SBF2: variants seen among roughly 807,000 people sequenced by gnomAD.
SBF2 encodes the protein myotubularin-related protein 13.
A neutral mutation model predicts 225.2 loss-of-function variants in SBF2; 112 were observed. The observed-to-expected ratio is 0.50, with a 90% CI of 0.43 to 0.58. SBF2 has a LOEUF of 0.58. Ranked by LOEUF, SBF2 falls within the 20% of genes least tolerant of loss-of-function variation. The pLI is 0.00. For missense variants in SBF2, 1,996 were observed against 2,206.2 expected (o/e 0.90, Z 1.91); for synonymous variants, 763 against 773.3 (o/e 0.99, Z 0.22).
intron 2 of SBF2, among the ~76,000 whole-genome samples, chr11:10,168,480 A>G (rs937015525): frequency 3.9e-5 from 6 of 152,190 alleles, no homozygotes; most frequent in African/African-American, 1.4e-4. Flanking sequence ...TATCAGCATC[A>G]CATGGTCATT....
At position 10,294,039 on chromosome 11, in the gene SBF2, C is replaced by T; in HGVS notation, c.31G>A (p.Val11Ile). Residue 11 changes from valine to isoleucine, a missense_variant, in exon 1 of 40, where the codon GTA (valine) becomes ATA (isoleucine). Physicochemically the swap from Val to Ile is conservative, Grantham distance 29. Transcript: ENST00000256190. ...CCTGGCTTCTCGTGGTCATAGCCTACCACGATGAAGTAGTCAGCCAGCCGG... is the reference window on the plus strand; with the variant it reads ...CCTGGCTTCTCGTGGTCATAGCCTATCACGATGAAGTAGTCAGCCAGCCGG... The part of the protein sequence containing the change: MARLADYFIV[V>I]GYDHEKPGSG... The T allele has an allele frequency of 7.1e-7, 1 of 1,404,272 alleles. No homozygotes were observed. Among genetic ancestry groups the T allele is most frequent in the Non-Finnish European group, 9.3e-7 (1 of 1,072,914 alleles). The allele number at this position is 1,404,272 out of a possible 1,614,324, so 87.0% of individuals were successfully genotyped here.
At position 10,229,408 on chromosome 11, in the gene SBF2, G is replaced by A. The variant is rs550822482; in HGVS notation, c.56-35421C>T. Reference sequence around the variant, plus strand: ...CTAGTTCTTTTAATTGTGATGTTAGGGTGTCAATTTTAGATCTTTCCTCCT... The same window carrying A: ...CTAGTTCTTTTAATTGTGATGTTAGAGTGTCAATTTTAGATCTTTCCTCCT... On this transcript the variant is annotated intron_variant, in intron 1 of 39. Coordinates refer to ENST00000256190, the MANE Select transcript of SBF2 (RefSeq NM_030962.4). Among the ~76,000 whole-genome samples the A allele has an allele frequency of 5.1e-3, 777 of 152,032 alleles. 2 individuals carry two copies. The highest frequency in any genetic ancestry group is 6.9e-3 in the Non-Finnish European group (472 of 67,970).
intron 6 of SBF2, among the ~76,000 whole-genome samples, chr11:10,003,372 C>T (rs1484543221): frequency 2.2e-5 from 3 of 138,758 alleles, no homozygotes; most frequent in African/African-American, 2.6e-5. Context: ...TTTCTTTTTT[C>T]TTTTTTTTTT....
intron 1 of SBF2, among the ~76,000 whole-genome samples, chr11:10,223,399 T>TTA (rs3074175): frequency 0.058 from 3,399 of 58,122 alleles, 206 homozygotes; most frequent in Non-Finnish European, 0.065. Context: ...ATTTTGCACA[T>TTA]TATATATATA....
At chr11:9,831,691 G>C (rs1855409700) in intron 27 of SBF2, among the ~76,000 whole-genome samples, 1 of 152,114 alleles carries the variant, frequency 6.6e-6, no homozygotes, top group African/African-American at 2.4e-5. Context: ...TCAGAATATG[G>C]GACAGCTGTA....
At chr11:10,131,695 C>T (rs956701321) in intron 2 of SBF2, among the ~76,000 whole-genome samples, 2 of 152,194 alleles carry the variant, frequency 1.3e-5, no homozygotes, top group African/African-American at 4.8e-5. Context: ...CCCACCTCGG[C>T]CTCCCAAAGT....
intron 1 of SBF2, among the ~76,000 whole-genome samples, chr11:10,287,447 AT>A (rs568852817): frequency 2.2e-3 from 325 of 147,742 alleles, no homozygotes; most frequent in Non-Finnish European, 3.2e-3. Context: ...ACGCCAGGCT[AT>A]TTTTTTTTTT....
chr11:10,071,302 T>A (rs1341895827), intron 2 of SBF2, among the ~76,000 whole-genome samples: 2 of 141,528 alleles, frequency 1.4e-5, no homozygotes, highest in Non-Finnish European at 3.0e-5. Flanking sequence ...AGTCTCACTC[T>A]GTCACCCAGG....
chr11:10,226,410 A>G (rs1231527769), intron 1 of SBF2, among the ~76,000 whole-genome samples: 1 of 152,086 alleles, frequency 6.6e-6, no homozygotes, highest in Non-Finnish European at 1.5e-5. Context: ...TACATGTGCC[A>G]TGCTGGTGTG....
chr11:10,077,720 A>C (rs1243955397), intron 2 of SBF2, among the ~76,000 whole-genome samples: 2 of 152,276 alleles, frequency 1.3e-5, no homozygotes, highest in African/African-American at 4.8e-5. Flanking sequence ...TGTAGCACAT[A>C]GGCATGGGCA....
chr11:10,235,394 A>G (rs56063978), intron 1 of SBF2, among the ~76,000 whole-genome samples: 75,379 of 151,994 alleles, frequency 0.5, 19,058 homozygotes, highest in Non-Finnish European at 0.55. Flanking sequence ...ATTAGCCGTG[A>G]TGCACGCCTG....
chr11:9,894,540 T>C (rs1861088684), intron 17 of SBF2, among the ~76,000 whole-genome samples: 1 of 150,130 alleles, frequency 6.7e-6, no homozygotes, highest in African/African-American at 2.5e-5. Flanking sequence ...AAAAATTAGC[T>C]GGGTGTGGTG....
intron 17 of SBF2, among the ~76,000 whole-genome samples, chr11:9,886,094 A>G (rs1002395636): frequency 6.6e-6 from 1 of 152,232 alleles, no homozygotes; most frequent in East Asian, 1.9e-4. Context: ...AGAAATAATC[A>G]AATTCCATGC....
intron 2 of SBF2, among the ~76,000 whole-genome samples, chr11:10,072,888 CTAA>C (rs1950947314): frequency 7.3e-6 from 1 of 136,390 alleles, no homozygotes; most frequent in African/African-American, 2.7e-5. Flanking sequence ...CCACATATGG[CTAA>C]TTATTATTAT....
intron 1 of SBF2, among the ~76,000 whole-genome samples, chr11:10,252,068 C>T (rs1220679893): frequency 1.3e-5 from 2 of 152,204 alleles, no homozygotes; most frequent in East Asian, 3.9e-4. Context: ...CAAGGAAACA[C>T]CTAGATCCTA....
At chr11:9,925,156 T>G (rs1270907203) in intron 16 of SBF2, among the ~76,000 whole-genome samples, 3 of 152,220 alleles carry the variant, frequency 2.0e-5, no homozygotes, top group Middle Eastern at 3.2e-3. Context: ...ATATGTGTAA[T>G]TTAATATTTT....
chr11:9,884,220 A>G (rs2134094833), intron 17 of SBF2, among the ~76,000 whole-genome samples: 1 of 152,268 alleles, frequency 6.6e-6, no homozygotes, highest in South Asian at 2.1e-4. Context: ...AAATCAGGAG[A>G]CCTGGGCTCT....
upstream of SBF2, among the ~76,000 whole-genome samples, chr11:10,297,196 C>A (rs770204516): frequency 2.0e-5 from 3 of 151,822 alleles, no homozygotes; most frequent in Non-Finnish European, 2.9e-5. Flanking sequence ...TATTCCCCCC[C>A]CCAAATATTT....
chr11:10,282,596 C>A (rs1479696319), intron 1 of SBF2, among the ~76,000 whole-genome samples: 1 of 152,148 alleles, frequency 6.6e-6, no homozygotes, highest in Non-Finnish European at 1.5e-5. Flanking sequence ...TACCTCTCAT[C>A]CACTCTTTCT....
Sources: gnomAD v4.1 joint callset for allele counts (sites outside exome capture counted in the v4.1 genomes callset) on GRCh38, gnomAD v4.1.1 for gene constraint, MANE v1.5 for transcripts, NCBI Gene and HGNC (gene_info 2026-07-23, HGNC 2026-07-21) for gene names.